Variants in HNRNPK observed in about 807,000 individuals in gnomAD.
HNRNPK encodes the protein dC-stretch binding protein.
HNRNPK carries 7 observed loss-of-function variants against 67.0 expected under a neutral mutation model. That is an observed-to-expected ratio of 0.10 (90% confidence interval 0.06 to 0.20). HNRNPK has a LOEUF of 0.20. Ranked by LOEUF, HNRNPK falls within the 10% of genes least tolerant of loss-of-function variation. The pLI, the probability that HNRNPK is intolerant of heterozygous loss-of-function variation, is 1.00. For missense variants in HNRNPK, 264 were observed against 606.5 expected (o/e 0.44, Z 5.93); for synonymous variants, 213 against 193.7 (o/e 1.10, Z -0.83).
rs562076391 is a variant in HNRNPK at position 83,971,508 on chromosome 9, T to A, written c.1009-152A>T. 160 of 810,472 alleles carry A rather than the reference T, an allele frequency of 2.0e-4. 1 individual carries two copies. In the African/African-American group the frequency reaches 2.6e-3, roughly 13 times the overall value. 50.2% of individuals were successfully genotyped at this position (810,472 alleles called of 1,614,324 possible). Reference sequence around the variant, plus strand: ...TCGAGGGGAACAAAGCTCAATAAAGTCGTAATCCTCCAGCAGCAAATAACA... The same window carrying A: ...TCGAGGGGAACAAAGCTCAATAAAGACGTAATCCTCCAGCAGCAAATAACA... On this transcript the variant is annotated intron_variant, in intron 12 of 16. Coordinates refer to ENST00000376263, the MANE Select transcript of HNRNPK (RefSeq NM_031263.4).
intron 9 of HNRNPK, 73 bp from the exon 10 acceptor site, chr9:83,973,045 C>T (rs1017754471): frequency 2.1e-5 from 23 of 1,097,250 alleles, no homozygotes; most frequent in Middle Eastern, 2.8e-4. Flanking sequence ...GTGAAAATTG[C>T]ATTTGAATTC....
chr9:83,980,418 G>A (rs2133086193), upstream of HNRNPK: 1 of 152,828 alleles, frequency 6.5e-6, no homozygotes, highest in Non-Finnish European at 1.5e-5. Context: ...GAAAACCCGG[G>A]CTTGGGAAAA....
rs569911709 is a variant in HNRNPK, at chr9:83,971,672, C to G, written c.1008G>C (p.Met336Ile). The G allele has an allele frequency of 6.2e-7, 1 of 1,612,748 alleles. No individual in the cohort carries two copies. The highest frequency in any genetic ancestry group is 1.3e-5 in the African/African-American group (1 of 75,004). ...RGRPGDRYDG[M>I]VGFSADETWD... ...ACTGGTAATAAACCAAAGTTCTTAC[C>G]ATGCCGTCGTAACGGTCTCCAGGTC... Residue 336 changes from methionine (M) to isoleucine (I), a missense_variant and splice_region_variant, in exon 12 of 17, where the codon ATG becomes ATC. By Grantham distance (10) the Met-to-Ile change is conservative. This residue lies in a region of HNRNPK where 142 missense variants were observed against 256.5 expected (regional missense o/e 0.55). Transcript: ENST00000376263.
chr9:83,974,697 T>C (rs1956998778), intron 6 of HNRNPK, 108 bp from the exon 7 acceptor site: 2 of 688,186 alleles, frequency 2.9e-6, no homozygotes, highest in Non-Finnish European at 5.0e-6. Context: ...TAACACATGA[T>C]TATTTAATAT....
In HNRNPK at chr9:83,972,877, C is replaced by G; in HGVS notation, c.612G>C (p.Glu204Asp). The G allele has an allele frequency of 6.2e-7, 1 of 1,608,914 alleles. No homozygotes were observed. The highest frequency in any genetic ancestry group is 8.5e-7 in the Non-Finnish European group (1 of 1,177,604). ...LIGGKPDRVVECIKIILDLIS... is the reference protein window; with the variant it reads ...LIGGKPDRVVDCIKIILDLIS... ...TAAGATCAAGGATGATCTTTATGCACTCTACAACCCTATCGGGTTTTCCTC... is the reference window on the plus strand; with the variant it reads ...TAAGATCAAGGATGATCTTTATGCAGTCTACAACCCTATCGGGTTTTCCTC... The change falls in exon 10 of 17, where the codon GAG becomes GAC. Residue 204 changes from glutamate (E) to aspartate (D), a missense_variant. This residue lies in a region of HNRNPK where 142 missense variants were observed against 256.5 expected (regional missense o/e 0.55). Transcript: ENST00000376263.
chr9:83,971,865 CAAA>C lies in HNRNPK; in HGVS notation c.953+14_953+16del. ...ATGGGGGAAGAAAAAACAACAACAA[CAAA>C]AAAAACAACTTACCCCCCTCTAGGT... On this transcript the variant is annotated intron_variant, in intron 11 of 16. Transcript: ENST00000376263. The C allele has an allele frequency of 6.5e-7, 1 of 1,550,282 alleles. No individual in the cohort carries two copies. The highest frequency in any genetic ancestry group is 8.7e-7 in the Non-Finnish European group (1 of 1,150,524).
intron 4 of HNRNPK, among the ~76,000 whole-genome samples, chr9:83,977,255 G>A (rs1451912218): frequency 3.3e-5 from 5 of 152,184 alleles, no homozygotes; most frequent in Admixed American, 1.3e-4. Flanking sequence ...ATAGTTTGGA[G>A]TACTCAATGT....
Position 83,969,222 on chromosome 9 carries a change from C to G in HNRNPK, c.*185G>C. 3 of 662,368 alleles carry G rather than the reference C, an allele frequency of 4.5e-6. No homozygotes were observed. The South Asian group carries it at 5.6e-5, about 12-fold the overall frequency. 41.0% of individuals were successfully genotyped at this position (662,368 alleles called of 1,614,324 possible). A position where few individuals can be genotyped will look rare whatever the true frequency, so the allele number is the denominator to read the frequency against. On this transcript the variant is annotated 3_prime_UTR_variant, in exon 17 of 17. Coordinates refer to ENST00000376263, the MANE Select transcript of HNRNPK (RefSeq NM_031263.4). Reference sequence around the variant, plus strand: ...TTTGTAAGGAACTAAAACATTACATCTGGTGAACAGCAAAGATTTCACTAC... The same window carrying G: ...TTTGTAAGGAACTAAAACATTACATGTGGTGAACAGCAAAGATTTCACTAC...
At chr9:83,971,832 A>G (rs374880540) in intron 11 of HNRNPK, 50 bp downstream of exon 11, 51 of 1,570,676 alleles carry the variant, frequency 3.2e-5, no homozygotes, top group Admixed American at 7.8e-5. Flanking sequence ...CAGGTTAATA[A>G]TTCATAGATG....
rs1956958554 is a variant in HNRNPK, at chr9:83,973,832, G to A, written c.402+70C>T. 4 of 1,166,262 alleles carry A rather than the reference G, an allele frequency of 3.4e-6. No homozygotes were observed. The East Asian group carries it at 7.1e-5, about 21-fold the overall frequency. 72.2% of individuals were successfully genotyped at this position (1,166,262 alleles called of 1,614,324 possible). On this transcript the variant is annotated intron_variant, in intron 8 of 16. Coordinates refer to ENST00000376263, the MANE Select transcript of HNRNPK (RefSeq NM_031263.4). ...TATAGAGATGGGAAAAGCACACTAT[G>A]TTAAAAATATAATCGATCCTATGGG...
chr9:83,970,387 T>C, intron 15 of HNRNPK, 56 bp from the exon 16 acceptor site: 2 of 1,337,822 alleles, frequency 1.5e-6, no homozygotes, highest in Non-Finnish European at 2.1e-6. Context: ...ATTTACTACC[T>C]GTATTTTCAA....
At position 83,969,438 on chromosome 9, in the gene HNRNPK, A is replaced by G; in HGVS notation, c.1364T>C (p.Val455Ala). ...TCCTTCAACATCTGCATACTGCTTC[A>G]CACTATAAAAGAAAAGAAAAAAAAG... is the stretch of plus-strand genomic sequence containing the variant. ...QNAQYLLQNS[V>A]KQYADVEGF is the part of the protein sequence containing the mutation. Residue 455 changes from valine (V) to alanine (A), a missense_variant and splice_region_variant, in exon 17 of 17, where the codon GTG becomes GCG. Around this residue, in one of 6 missense-constraint regions of HNRNPK, gnomAD observed 24 missense variants for 103.3 expected, o/e 0.23. Coordinates refer to ENST00000376263, the MANE Select transcript of HNRNPK (RefSeq NM_031263.4). 1 of 1,578,798 alleles carries G rather than the reference A, an allele frequency of 6.3e-7. No individual in the cohort carries two copies. The highest frequency in any genetic ancestry group is 8.6e-7 in the Non-Finnish European group (1 of 1,157,712).
At chr9:83,976,614 T>C (rs1046263727) in intron 5 of HNRNPK, 8 of 160,820 alleles carry the variant, frequency 5.0e-5, no homozygotes, top group African/African-American at 1.7e-4. Flanking sequence ...CAAAAAAATT[T>C]TTCTGGATTT....
intron 1 of HNRNPK, among the ~76,000 whole-genome samples, chr9:83,979,105 G>C (rs1036569526): frequency 1.3e-5 from 2 of 152,150 alleles, no homozygotes; most frequent in Non-Finnish European, 2.9e-5. Flanking sequence ...CCTGTAACAC[G>C]AAAACTAAAG....
At chr9:83,979,613 G>A (rs1957268978) in intron 1 of HNRNPK, among the ~76,000 whole-genome samples, 1 of 152,072 alleles carries the variant, frequency 6.6e-6, no homozygotes, top group Non-Finnish European at 1.5e-5. Flanking sequence ...CTCCTCACCC[G>A]GATCCGACAG....
intron 7 of HNRNPK, 145 bp from the exon 8 acceptor site, chr9:83,974,118 C>G: frequency 1.8e-6 from 1 of 546,506 alleles, no homozygotes; most frequent in East Asian, 3.1e-5. Flanking sequence ...TAAGACGATT[C>G]AAAACATAAA....
At chr9:83,970,845 T>C (rs1361620702) in intron 14 of HNRNPK, 26 bp from the exon 15 acceptor site, 1 of 1,608,956 alleles carries the variant, frequency 6.2e-7, no homozygotes, top group Non-Finnish European at 8.5e-7. Flanking sequence ...AGCAGTAAGT[T>C]CATTTAAAAA....
rs375585774 is a variant in HNRNPK at position 83,978,170 on chromosome 9, T to C, written c.58+25A>G. On this transcript the variant is annotated intron_variant, in intron 3 of 16. Transcript: ENST00000376263. Reference sequence around the variant, plus strand: ...ATTTATTAACAGGATAAAAAAATACTGTTAAAACTAAAATTTCTTCTCACC... The same window carrying C: ...ATTTATTAACAGGATAAAAAAATACCGTTAAAACTAAAATTTCTTCTCACC... 208 of 1,456,752 alleles carry C rather than the reference T, an allele frequency of 1.4e-4. No individual in the cohort carries two copies. The African/African-American group carries it at 2.3e-3, about 16-fold the overall frequency. 90.2% of individuals were successfully genotyped at this position (1,456,752 alleles called of 1,614,324 possible).
In HNRNPK at chr9:83,978,430, T is replaced by G; in HGVS notation, c.-85A>C. The G allele has an allele frequency of 7.5e-7, 1 of 1,330,064 alleles. No individual in the cohort carries two copies. 82.4% of individuals were successfully genotyped at this position (1,330,064 alleles called of 1,614,324 possible). ...AAGCGTTCTGGGTCGGACCAACAAC[T>G]GACACCCCAGTGCTGCAGTAGCCTA... On this transcript the variant is annotated 5_prime_UTR_variant, in exon 2 of 17. Coordinates refer to ENST00000376263, the MANE Select transcript of HNRNPK (RefSeq NM_031263.4).
Sources: allele counts gnomAD v4.1 joint callset (sites outside exome capture counted in the v4.1 genomes callset), GRCh38; gene constraint gnomAD v4.1.1; regional missense constraint gnomAD v4.1.1; transcripts MANE v1.5; gene names NCBI Gene and HGNC (gene_info 2026-07-23, HGNC 2026-07-21).